Variants in PGCKA1 observed in about 807,000 individuals in gnomAD.
PGCKA1 encodes the protein PDCD10 and GCKIII kinases-associated protein 1.
the PGCKA1 span, among the ~76,000 whole-genome samples, chr4:37,456,266 C>G: frequency 6.6e-6 from 1 of 152,150 alleles, no homozygotes; most frequent in Non-Finnish European, 1.5e-5. Flanking sequence ...CCAGTTGTAG[C>G]CTTTCTTACT....
At chr4:37,575,053 A>G in the PGCKA1 span, among the ~76,000 whole-genome samples, 311 of 152,268 alleles carry the variant, frequency 2.0e-3, 4 homozygotes, top group African/African-American at 7.3e-3. Context: ...TAGTGCTGCA[A>G]TAAACATGGG....
the PGCKA1 span, among the ~76,000 whole-genome samples, chr4:37,502,555 C>T: frequency 6.6e-6 from 1 of 152,174 alleles, no homozygotes; most frequent in East Asian, 1.9e-4. Flanking sequence ...AAGGCTCTAA[C>T]TGAAATGGCA....
chr4:37,482,457 C>A, the PGCKA1 span, among the ~76,000 whole-genome samples: 1 of 152,118 alleles, frequency 6.6e-6, no homozygotes, highest in African/African-American at 2.4e-5. Flanking sequence ...ACCTGTGGAA[C>A]TTTGAACTTG....
At chr4:37,485,559 C>T in the PGCKA1 span, among the ~76,000 whole-genome samples, 1 of 152,114 alleles carries the variant, frequency 6.6e-6, no homozygotes, top group East Asian at 1.9e-4. Context: ...AAATAAATCT[C>T]TGGTCTTTAT....
the PGCKA1 span, among the ~76,000 whole-genome samples, chr4:37,578,717 G>GT: frequency 4.0e-5 from 6 of 151,866 alleles, no homozygotes; most frequent in Non-Finnish European, 8.8e-5. Context: ...TGTATTCATT[G>GT]TATGTTTTTT....
At chr4:37,528,130 G>A in the PGCKA1 span, among the ~76,000 whole-genome samples, 1 of 152,134 alleles carries the variant, frequency 6.6e-6, no homozygotes, top group East Asian at 1.9e-4. Context: ...ATTATTTCGA[G>A]CACCAACTCC....
the PGCKA1 span, among the ~76,000 whole-genome samples, chr4:37,469,836 A>C: frequency 1.3e-5 from 2 of 152,208 alleles, no homozygotes; most frequent in Admixed American, 6.5e-5. Context: ...TCTGAAACTC[A>C]AAGGTTGATG....
chr4:37,506,256 A>AT, the PGCKA1 span, among the ~76,000 whole-genome samples: 1 of 151,062 alleles, frequency 6.6e-6, no homozygotes. Context: ...TATCTTTTGT[A>AT]TTTTTTTCAC....
the PGCKA1 span, among the ~76,000 whole-genome samples, chr4:37,542,722 A>G: frequency 9.0e-3 from 1,371 of 152,226 alleles, 57 homozygotes; most frequent in East Asian, 0.097. Flanking sequence ...TGTCGTTAGT[A>G]TTTACCATTT....
chr4:37,518,757 C>A, the PGCKA1 span, among the ~76,000 whole-genome samples: 1 of 152,154 alleles, frequency 6.6e-6, no homozygotes, highest in African/African-American at 2.4e-5. Flanking sequence ...CTTTGCTGTG[C>A]AGAGCATTTT....
the PGCKA1 span, chr4:37,584,299 C>T: frequency 1.3e-5 from 2 of 152,196 alleles, no homozygotes; most frequent in Admixed American, 6.5e-5. Flanking sequence ...GGAAGGAAAA[C>T]TCAGGGCGAG....
At chr4:37,551,352 A>T in the PGCKA1 span, among the ~76,000 whole-genome samples, 1 of 152,194 alleles carries the variant, frequency 6.6e-6, no homozygotes, top group African/African-American at 2.4e-5. Context: ...AAAATTATAC[A>T]ATACTATAGG....
the PGCKA1 span, among the ~76,000 whole-genome samples, chr4:37,527,352 T>C: frequency 6.6e-6 from 1 of 152,162 alleles, no homozygotes; most frequent in Non-Finnish European, 1.5e-5. Context: ...TCTCCAGTAG[T>C]GTCCAGTAAT....
At chr4:37,493,114 A>G in the PGCKA1 span, among the ~76,000 whole-genome samples, 1 of 152,190 alleles carries the variant, frequency 6.6e-6, no homozygotes, top group East Asian at 1.9e-4. Context: ...ATGTAGATGT[A>G]TGTATGTATA....
chr4:37,508,379 GT>G, the PGCKA1 span, among the ~76,000 whole-genome samples: 3 of 151,734 alleles, frequency 2.0e-5, no homozygotes, highest in Non-Finnish European at 2.9e-5. Context: ...GATCTCGTAG[GT>G]ATGCTTCATT....
At chr4:37,588,103 G>C in the PGCKA1 span, 1 of 152,260 alleles carries the variant, frequency 6.6e-6, no homozygotes, top group African/African-American at 2.4e-5. Flanking sequence ...ATGAAGAGAA[G>C]ATTTTGTTCC....
chr4:37,590,763 GA>G, the PGCKA1 span: 1 of 1,614,118 alleles, frequency 6.2e-7, no homozygotes, highest in Non-Finnish European at 8.5e-7. Flanking sequence ...TCTCTGTGAG[GA>G]GAAGCTGGGA....
At chr4:37,509,966 C>T in the PGCKA1 span, among the ~76,000 whole-genome samples, 64 of 74,852 alleles carry the variant, frequency 8.6e-4, 1 homozygote, top group African/African-American at 2.2e-3. Context: ...AGAGAGGGAG[C>T]GGGAGACCGT....
chr4:37,507,318 T>A, the PGCKA1 span, among the ~76,000 whole-genome samples: 2 of 152,136 alleles, frequency 1.3e-5, no homozygotes, highest in Non-Finnish European at 2.9e-5. Context: ...TGCCATTTTG[T>A]TATTTCTTTT....
Sources: allele counts gnomAD v4.1 joint callset (sites outside exome capture counted in the v4.1 genomes callset), GRCh38; gene constraint gnomAD v4.1.1; transcripts MANE v1.5; gene names NCBI Gene and HGNC (gene_info 2026-07-23, HGNC 2026-07-21).